Variants in TBL1XR1 observed in about 807,000 individuals in gnomAD.
TBL1XR1 encodes the protein TBL1X/Y related 1, also known as F-box-like/WD repeat-containing protein TBL1XR1.
TBL1XR1 carries 5 observed loss-of-function variants against 66.9 expected under a neutral mutation model. The ratio of observed to expected loss-of-function variants is 0.07; its 90% confidence interval spans 0.04 to 0.16. TBL1XR1 has a LOEUF of 0.16. TBL1XR1 is among the 10% of genes least tolerant of loss of function. The pLI is 1.00. For synonymous variants in TBL1XR1, 210 were observed against 206.0 expected (o/e 1.02, Z -0.17); for missense variants, 238 against 623.2 (o/e 0.38, Z 6.58).
upstream of TBL1XR1, among the ~76,000 whole-genome samples, chr3:177,201,565 C>T (rs1307550211): frequency 2.0e-5 from 3 of 152,136 alleles, no homozygotes; most frequent in Admixed American, 6.5e-5. Context: ...GCTTCAATCC[C>T]AGGACTACAG....
chr3:177,054,268 A>G (rs561554024), intron 3 of TBL1XR1, among the ~76,000 whole-genome samples: 1 of 150,654 alleles, frequency 6.6e-6, no homozygotes, highest in East Asian at 2.0e-4. Flanking sequence ...TCATATAATT[A>G]AATTGCTTCA....
intron 1 of TBL1XR1, among the ~76,000 whole-genome samples, chr3:177,189,463 G>A (rs1335138354): frequency 6.6e-6 from 1 of 151,800 alleles, no homozygotes; most frequent in Non-Finnish European, 1.5e-5. Context: ...GACCAGCCTA[G>A]CCAACATGGT....
In TBL1XR1 at chr3:177,025,211, AT is replaced by A. The variant is rs1470310270; in HGVS notation, c.*286del. 5.2e-6 allele frequency: 2 copies of A among 381,904 alleles called. No individual in the cohort carries two copies. The highest frequency in any genetic ancestry group is 9.3e-6 in the Non-Finnish European group (2 of 214,700). 23.7% of individuals were successfully genotyped at this position (381,904 alleles called of 1,614,324 possible). ...TGTATGTTCTGCTTTTATAATGTAT[AT>A]TTTTCTCTCTTCTGTTTTTCATATC... is the stretch of plus-strand genomic sequence containing the variant. On this transcript the variant is annotated 3_prime_UTR_variant, in exon 16 of 16. Coordinates refer to ENST00000457928, the MANE Select transcript of TBL1XR1 (RefSeq NM_024665.7).
At chr3:177,046,222 T>C (rs1488117872) in intron 9 of TBL1XR1, 33 bp from the exon 10 acceptor site, 3 of 1,491,774 alleles carry the variant, frequency 2.0e-6, no homozygotes, top group Non-Finnish European at 2.7e-6. Flanking sequence ...AATAAACTCA[T>C]GGAAAGAAGT....
chr3:177,109,433 G>GT (rs1203165515), intron 1 of TBL1XR1, among the ~76,000 whole-genome samples: 1 of 152,086 alleles, frequency 6.6e-6, no homozygotes, highest in Non-Finnish European at 1.5e-5. Flanking sequence ...TTTTGTTTTT[G>GT]TATTTTGGGA....
chr3:177,084,578 T>A (rs1017339436), intron 2 of TBL1XR1, among the ~76,000 whole-genome samples: 1 of 152,258 alleles, frequency 6.6e-6, no homozygotes, highest in African/African-American at 2.4e-5. Context: ...ACTTGAACTG[T>A]TACCAGTTTG....
intron 3 of TBL1XR1, among the ~76,000 whole-genome samples, chr3:177,059,093 AT>A (rs1255782433): frequency 1.3e-5 from 2 of 152,222 alleles, no homozygotes; most frequent in African/African-American, 4.8e-5. Context: ...TCATCTACTG[AT>A]AAAAACTAAA....
At chr3:177,051,800 G>A in intron 4 of TBL1XR1, 74 bp from the exon 5 acceptor site, 3 of 1,322,262 alleles carry the variant, frequency 2.3e-6, no homozygotes, top group East Asian at 3.0e-5. Flanking sequence ...TACAAAATCA[G>A]AAATGAAATG....
chr3:177,031,313 A>G (rs535635229), intron 14 of TBL1XR1, among the ~76,000 whole-genome samples: 1 of 152,100 alleles, frequency 6.6e-6, no homozygotes, highest in South Asian at 2.1e-4. Flanking sequence ...AATAAAAATT[A>G]AAGCAGAACA....
At chr3:177,123,211 CAA>C (rs1227465270) in intron 1 of TBL1XR1, among the ~76,000 whole-genome samples, 21 of 152,040 alleles carry the variant, frequency 1.4e-4, no homozygotes, top group Non-Finnish European at 1.9e-4. Flanking sequence ...ACAGTAACTT[CAA>C]GAGAGAACTC....
intron 1 of TBL1XR1, among the ~76,000 whole-genome samples, chr3:177,117,091 A>G (rs1726398762): frequency 6.6e-6 from 1 of 152,228 alleles, no homozygotes; most frequent in South Asian, 2.1e-4. Flanking sequence ...AATATAAATG[A>G]GAAGGGAGAA....
At chr3:177,173,335 T>C (rs1469275963) in intron 1 of TBL1XR1, among the ~76,000 whole-genome samples, 2 of 152,242 alleles carry the variant, frequency 1.3e-5, no homozygotes, top group Non-Finnish European at 2.9e-5. Flanking sequence ...GTAGACTCAC[T>C]TCTAATGAGC....
intron 1 of TBL1XR1, among the ~76,000 whole-genome samples, chr3:177,107,243 T>C (rs1724996003): frequency 6.6e-6 from 1 of 152,220 alleles, no homozygotes; most frequent in South Asian, 2.1e-4. Flanking sequence ...ATGTTATGTT[T>C]CTATTTATCC....
At chr3:177,153,511 G>A (rs1288704520) in intron 1 of TBL1XR1, among the ~76,000 whole-genome samples, 2 of 152,110 alleles carry the variant, frequency 1.3e-5, no homozygotes, top group African/African-American at 4.8e-5. Context: ...TACATAAAAG[G>A]GAGAAATAGA....
At chr3:177,144,227 CAA>C (rs1292283885) in intron 1 of TBL1XR1, among the ~76,000 whole-genome samples, 4 of 151,768 alleles carry the variant, frequency 2.6e-5, no homozygotes, top group African/African-American at 9.7e-5. Flanking sequence ...GCCTGGGAAA[CAA>C]GAGCAAAACT....
At chr3:177,031,741 C>T (rs1313071897) in intron 14 of TBL1XR1, among the ~76,000 whole-genome samples, 1 of 149,768 alleles carries the variant, frequency 6.7e-6, no homozygotes, top group African/African-American at 2.4e-5. Context: ...GCCCAGGCAA[C>T]ATAGAAAGAT....
At chr3:177,124,698 C>A (rs140193678) in intron 1 of TBL1XR1, among the ~76,000 whole-genome samples, 1 of 152,186 alleles carries the variant, frequency 6.6e-6, no homozygotes, top group East Asian at 1.9e-4. Flanking sequence ...GCTTAACTCA[C>A]GGCATCTTTT....
At chr3:177,193,270 G>A (rs1736398629) in intron 1 of TBL1XR1, among the ~76,000 whole-genome samples, 1 of 152,122 alleles carries the variant, frequency 6.6e-6, no homozygotes, top group South Asian at 2.1e-4. Context: ...TAACCACTAT[G>A]CTACAACACA....
chr3:177,154,572 T>A (rs1577329910), intron 1 of TBL1XR1, among the ~76,000 whole-genome samples: 1 of 152,240 alleles, frequency 6.6e-6, no homozygotes, highest in East Asian at 1.9e-4. Flanking sequence ...AATTTTTGTT[T>A]TTTTAGTAGA....
Sources: allele counts gnomAD v4.1 joint callset (sites outside exome capture counted in the v4.1 genomes callset), GRCh38; gene constraint gnomAD v4.1.1; transcripts MANE v1.5; gene names NCBI Gene and HGNC (gene_info 2026-07-23, HGNC 2026-07-21).